Variants in WDPCP observed in about 807,000 individuals in gnomAD.
WDPCP encodes the protein WD repeat-containing and planar cell polarity effector protein fritz homolog.
In WDPCP, 71 loss-of-function variants were observed where a neutral mutation model predicts 93.1. That is an observed-to-expected ratio of 0.76 (90% CI 0.63 to 0.93). The LOEUF is 0.93. Ranked by LOEUF, WDPCP falls within the 40% of genes least tolerant of loss-of-function variation. The pLI, the probability that WDPCP is intolerant of heterozygous loss-of-function variation, is 0.00. For missense variants in WDPCP, 844 were observed against 887.4 expected, an observed-to-expected ratio of 0.95 and a Z score of 0.62; for synonymous variants, 315 against 315.0, an observed-to-expected ratio of 1.00 and a Z score of 0.00.
chr2:63,451,341 T>A (rs1260195023), intron 6 of WDPCP, among the ~76,000 whole-genome samples: 1 of 152,238 alleles, frequency 6.6e-6, no homozygotes, highest in East Asian at 1.9e-4. Context: ...CTAGAAAATC[T>A]AGAAGAAATG....
intron 14 of WDPCP, among the ~76,000 whole-genome samples, chr2:63,250,308 A>G (rs980173486): frequency 2.0e-5 from 3 of 152,216 alleles, no homozygotes; most frequent in Non-Finnish European, 4.4e-5. Flanking sequence ...ACAAAATAGG[A>G]CAGTGTGAGA....
chr2:63,702,588 G>A (rs1027662761), intron 2 of WDPCP, among the ~76,000 whole-genome samples: 2 of 151,130 alleles, frequency 1.3e-5, no homozygotes, highest in African/African-American at 2.4e-5. Flanking sequence ...TCCCAGGGAG[G>A]AGTGCATTGG....
At chr2:63,522,455 G>GACACAC (rs112008719) in intron 1 of WDPCP, among the ~76,000 whole-genome samples, 26,897 of 126,900 alleles carry the variant, frequency 0.21, 2,848 homozygotes, top group East Asian at 0.38. Flanking sequence ...CAGACAGACA[G>GACACAC]ACACACACAC....
At chr2:63,230,970 G>C (rs988413040) in intron 14 of WDPCP, among the ~76,000 whole-genome samples, 3 of 152,052 alleles carry the variant, frequency 2.0e-5, no homozygotes, top group African/African-American at 4.8e-5. Flanking sequence ...GGCTTTTGTT[G>C]CCATTGCTTT....
At chr2:63,746,537 ATTCT>A (rs1669800709) in intron 2 of WDPCP, among the ~76,000 whole-genome samples, 1 of 152,160 alleles carries the variant, frequency 6.6e-6, no homozygotes, top group Non-Finnish European at 1.5e-5. Context: ...ATATCGCTGA[ATTCT>A]TTCCCCAGTA....
intron 3 of WDPCP, among the ~76,000 whole-genome samples, chr2:63,622,991 A>C (rs1400158667): frequency 1.3e-5 from 2 of 152,346 alleles, no homozygotes; most frequent in East Asian, 1.9e-4. Flanking sequence ...TGCCGCCGCC[A>C]TGAGTTGTCC....
chr2:63,311,066 A>T (rs984749280), intron 13 of WDPCP, among the ~76,000 whole-genome samples: 4 of 152,186 alleles, frequency 2.6e-5, no homozygotes, highest in Non-Finnish European at 4.4e-5. Context: ...CTTTCCAGCC[A>T]TATCAACTTT....
At chr2:63,821,484 G>A (rs562453166) in intron 1 of WDPCP, among the ~76,000 whole-genome samples, 2 of 152,306 alleles carry the variant, frequency 1.3e-5, no homozygotes, top group Admixed American at 6.5e-5. Flanking sequence ...GGTGAGACCA[G>A]ATAGTGAAAG....
At chr2:63,594,250 G>A (rs1033792106) in intron 3 of WDPCP, 3 of 601,770 alleles carry the variant, frequency 5.0e-6, no homozygotes, top group Middle Eastern at 2.8e-4. Flanking sequence ...CCCAAAAAAG[G>A]TGGATAAGAT....
At chr2:63,557,809 G>A (rs1272897925) in intron 1 of WDPCP, among the ~76,000 whole-genome samples, 1 of 152,118 alleles carries the variant, frequency 6.6e-6, no homozygotes, top group East Asian at 1.9e-4. Flanking sequence ...TCAGACCACA[G>A]TGCAATCAAA....
intron 2 of WDPCP, among the ~76,000 whole-genome samples, chr2:63,667,928 C>G (rs1394478993): frequency 1.3e-5 from 2 of 152,194 alleles, no homozygotes; most frequent in Admixed American, 6.5e-5. Context: ...ACTCTGGATG[C>G]CTTCCTACTC....
rs1357358501 is a variant in WDPCP at position 63,439,767 on chromosome 2, G to A, written c.489C>T (p.Thr163=). The part of the protein sequence containing the change: ...RSLVGKLISD[T]ISDALLTDSF... ...CATGGGGGTAATTACCATCACTGAT[G>A]GTGTCTGAGATGAGCTTCCCCACCA... The change falls in exon 7 of 18, where the codon ACC becomes ACT. Residue 163 remains threonine (T), a synonymous_variant. Coordinates refer to ENST00000272321, the MANE Select transcript of WDPCP (RefSeq NM_015910.7). 4 of 1,612,832 alleles carry A rather than the reference G, an allele frequency of 2.5e-6. No individual in the cohort carries two copies. Among genetic ancestry groups the A allele is most frequent in the Non-Finnish European group, 3.4e-6 (4 of 1,179,098 alleles).
chr2:63,178,210 G>C (rs1673965598), intron 14 of WDPCP, among the ~76,000 whole-genome samples: 1 of 152,112 alleles, frequency 6.6e-6, no homozygotes, highest in South Asian at 2.1e-4. Flanking sequence ...TGTTACTAGG[G>C]TAATGCTGGC....
chr2:63,146,265 G>A (rs1671493270), intron 17 of WDPCP, among the ~76,000 whole-genome samples: 1 of 152,104 alleles, frequency 6.6e-6, no homozygotes, highest in Non-Finnish European at 1.5e-5. Context: ...GGTGAGAGAG[G>A]GCATCCTTGT....
At chr2:63,341,246 A>G (rs1688812963) in intron 12 of WDPCP, among the ~76,000 whole-genome samples, 2 of 152,186 alleles carry the variant, frequency 1.3e-5, no homozygotes, top group South Asian at 4.1e-4. Flanking sequence ...CTCCTGCCTC[A>G]GCCTCCTGAG....
At chr2:63,711,369 A>G (rs1014378308) in intron 2 of WDPCP, 1 of 152,232 alleles carries the variant, frequency 6.6e-6, no homozygotes, top group African/African-American at 2.4e-5. Flanking sequence ...AAGTGGGTTC[A>G]TAGGAGAGAA....
chr2:63,566,158 A>C (rs997258220), intron 1 of WDPCP, among the ~76,000 whole-genome samples: 1 of 152,208 alleles, frequency 6.6e-6, no homozygotes, highest in East Asian at 1.9e-4. Context: ...TACGTCTGTG[A>C]AAAGAAAATA....
At chr2:63,450,140 A>G (rs1348427646) in intron 6 of WDPCP, among the ~76,000 whole-genome samples, 1 of 152,158 alleles carries the variant, frequency 6.6e-6, no homozygotes, top group African/African-American at 2.4e-5. Flanking sequence ...GGGCTCACAC[A>G]TAGAAACCAG....
At chr2:63,552,613 AG>A (rs1705765111) in intron 1 of WDPCP, among the ~76,000 whole-genome samples, 1 of 152,072 alleles carries the variant, frequency 6.6e-6, no homozygotes, top group Non-Finnish European at 1.5e-5. Context: ...CTCTTCTTTT[AG>A]GGTTTACAAA....
Sources: allele counts gnomAD v4.1 joint callset (sites outside exome capture counted in the v4.1 genomes callset), GRCh38; gene constraint gnomAD v4.1.1; transcripts MANE v1.5; gene names NCBI Gene and HGNC (gene_info 2026-07-23, HGNC 2026-07-21).